Variants in PPARGC1B observed in about 807,000 individuals in gnomAD.
PPARGC1B encodes the protein peroxisome proliferator-activated receptor gamma coactivator 1-beta.
In PPARGC1B, 34 loss-of-function variants were observed where a neutral mutation model predicts 101.6. The ratio of observed to expected loss-of-function variants is 0.33; its 90% confidence interval spans 0.25 to 0.45. The LOEUF is 0.45. Ranked by LOEUF, PPARGC1B falls within the 20% of genes least tolerant of loss-of-function variation. The pLI, the probability that PPARGC1B is intolerant of heterozygous loss-of-function variation, is 1.00. For synonymous variants in PPARGC1B, 548 were observed against 539.3 expected, an observed-to-expected ratio of 1.02 and a Z score of -0.22; for missense variants, 1,234 against 1,317.6, an observed-to-expected ratio of 0.94 and a Z score of 0.98.
chr5:149,845,601 C>T, intron 10 of PPARGC1B, 159 bp from the exon 11 acceptor site: 1 of 700,196 alleles, frequency 1.4e-6, no homozygotes. Flanking sequence ...TACCACATTG[C>T]AGAAGTCAGC....
chr5:149,794,551 CACAT>C (rs58160558), intron 1 of PPARGC1B, among the ~76,000 whole-genome samples: 33,819 of 144,322 alleles, frequency 0.23, 4,049 homozygotes, highest in Middle Eastern at 0.33. Context: ...CACACACACA[CACAT>C]TCAAGCAAAA....
chr5:149,830,030 C>CAAAAAAAAA (rs60711433), intron 3 of PPARGC1B, among the ~76,000 whole-genome samples: 9 of 34,254 alleles, frequency 2.6e-4, no homozygotes, highest in Admixed American at 1.4e-3. Context: ...GACTGCATCT[C>CAAAAAAAAA]AAAAAAAAAA....
chr5:149,812,886 G>A (rs879541908), intron 1 of PPARGC1B, among the ~76,000 whole-genome samples: 7 of 152,212 alleles, frequency 4.6e-5, no homozygotes, highest in South Asian at 2.1e-4. Flanking sequence ...GAGGAAACTC[G>A]GTGGGCTTCC....
intron 1 of PPARGC1B, among the ~76,000 whole-genome samples, chr5:149,760,189 C>A (rs1409048985): frequency 3.3e-5 from 5 of 152,154 alleles, no homozygotes; most frequent in African/African-American, 1.2e-4. Context: ...CCACAGAGGG[C>A]CAGCAGACAG....
intron 2 of PPARGC1B, among the ~76,000 whole-genome samples, chr5:149,825,002 T>G (rs1020928033): frequency 6.6e-6 from 1 of 152,236 alleles, no homozygotes; most frequent in Non-Finnish European, 1.5e-5. Flanking sequence ...CAGATGAACT[T>G]CCTGCAGAAA....
At chr5:149,771,142 G>A (rs984447556) in intron 1 of PPARGC1B, among the ~76,000 whole-genome samples, 3 of 152,212 alleles carry the variant, frequency 2.0e-5, no homozygotes, top group African/African-American at 7.2e-5. Context: ...TGCGTGTGGG[G>A]GGCCGTGTGC....
chr5:149,799,693 G>GTGTTTTTTT (rs1757362571), intron 1 of PPARGC1B, among the ~76,000 whole-genome samples: 1 of 76,480 alleles, frequency 1.3e-5, no homozygotes, highest in Non-Finnish European at 2.2e-5. Flanking sequence ...GCTTGTTGTT[G>GTGTTTTTTT]TTTTTTTTTT....
rs1184989428 is a variant in PPARGC1B, at chr5:149,837,441, ACC to A, written c.2618+369_2618+370del. On this transcript the variant is annotated intron_variant, in intron 8 of 11. Coordinates refer to ENST00000309241, the MANE Select transcript of PPARGC1B (RefSeq NM_133263.4). The surrounding 1 kb of genome is among the most constrained non-coding windows in gnomAD (Gnocchi z 4.2). The stretch of plus-strand genomic sequence containing the variant: ...AATGGATAAGTTTTTGTGCAAACAT[ACC>A]TGCCCCAACAGTTTGAATTCTAGGG... Among the ~76,000 whole-genome samples, 2 of 152,246 alleles carry A rather than the reference ACC, an allele frequency of 1.3e-5. No individual in the cohort carries two copies. Among genetic ancestry groups the A allele is most frequent in the African/African-American group, 2.4e-5 (1 of 41,462 alleles).
rs372330252 is a variant in PPARGC1B at position 149,830,762 on chromosome 5, C to G, written c.466-5C>G. Reference sequence around the variant, plus strand: ...CGGCTCCTGTCCTCTCTGCTTTTCCCTCAGCTGCAGAAGCTCCTCCTGGCC... The same window carrying G: ...CGGCTCCTGTCCTCTCTGCTTTTCCGTCAGCTGCAGAAGCTCCTCCTGGCC... On this transcript the variant is annotated splice_polypyrimidine_tract_variant and splice_region_variant and intron_variant, in intron 3 of 11. Coordinates refer to ENST00000309241, the MANE Select transcript of PPARGC1B (RefSeq NM_133263.4). 17 of 1,610,216 alleles carry G rather than the reference C, an allele frequency of 1.1e-5. No individual in the cohort carries two copies. Among genetic ancestry groups the G allele is most frequent in the Non-Finnish European group, 1.4e-5 (16 of 1,176,470 alleles).
In PPARGC1B at chr5:149,799,693, G is replaced by GTTTTTTTTTTTTTTTTTTTTT. The variant is rs11371560; in HGVS notation, c.79-20739_79-20719dup. On this transcript the variant is annotated intron_variant, in intron 1 of 11. Transcript: ENST00000309241. ...TTTGTTTGTTTGTTTGCTTGTTGTT[G>GTTTTTTTTTTTTTTTTTTTTT]TTTTTTTTTTTTTTTTTTTTTGAGA... Among the ~76,000 whole-genome samples, 5 of 76,480 alleles carry GTTTTTTTTTTTTTTTTTTTTT rather than the reference G, an allele frequency of 6.5e-5. 1 individual carries two copies. The highest frequency in any genetic ancestry group is 1.1e-4 in the African/African-American group (2 of 17,556). 50.2% of individuals were successfully genotyped at this position (76,480 alleles called of 152,430 possible). A position where few individuals can be genotyped will look rare whatever the true frequency, so the allele number is the denominator to read the frequency against.
At chr5:149,806,369 G>A (rs1757599402) in intron 1 of PPARGC1B, among the ~76,000 whole-genome samples, 1 of 152,176 alleles carries the variant, frequency 6.6e-6, no homozygotes. Flanking sequence ...CCATGAAGGG[G>A]CTGCCTGACC....
chr5:149,826,599 G>T, intron 2 of PPARGC1B, 74 bp from the exon 3 acceptor site: 1 of 1,188,220 alleles, frequency 8.4e-7, no homozygotes, highest in Non-Finnish European at 1.2e-6. Context: ...TGTCCACCGT[G>T]GAGACTGAGT....
intron 1 of PPARGC1B, among the ~76,000 whole-genome samples, chr5:149,751,460 C>A (rs138886616): frequency 0.33 from 50,276 of 151,958 alleles, 8,802 homozygotes; most frequent in Non-Finnish European, 0.39. Context: ...AATCCCAGCA[C>A]TTTGGGAGGC....
intron 1 of PPARGC1B, among the ~76,000 whole-genome samples, chr5:149,785,244 C>G (rs1011194227): frequency 6.7e-6 from 1 of 150,004 alleles, no homozygotes; most frequent in Non-Finnish European, 1.5e-5. Context: ...TTTAAGGGCC[C>G]TTCTGGTTGT....
At chr5:149,756,159 A>T (rs72830218) in intron 1 of PPARGC1B, among the ~76,000 whole-genome samples, 23,568 of 152,134 alleles carry the variant, frequency 0.15, 2,017 homozygotes, top group Admixed American at 0.19. Flanking sequence ...CACTTAATAA[A>T]TATGCTATTT....
chr5:149,808,922 G>C (rs888057839), intron 1 of PPARGC1B, among the ~76,000 whole-genome samples: 29 of 152,124 alleles, frequency 1.9e-4, no homozygotes, highest in Admixed American at 1.6e-3. Flanking sequence ...GAGATGGATG[G>C]TGGTGATGGC....
rs181506172 is a variant in PPARGC1B, at chr5:149,755,746, C to T, written c.78+25326C>T. 1.6e-3 allele frequency among the ~76,000 whole-genome samples: 246 copies of T among 151,602 alleles called. 2 individuals are homozygous for T. The highest frequency in any genetic ancestry group is 5.6e-3 in the African/African-American group (233 of 41,336). On this transcript the variant is annotated intron_variant, in intron 1 of 11. Transcript: ENST00000309241. ...GCAACCTCTGCCTCCAGGGTTCAAG[C>T]GATTCTCTTGCCTCAGCCTCCCAAG...
chr5:149,741,534 C>A lies in PPARGC1B; in HGVS notation c.78+11114C>A, dbSNP rs185092457. 7.0e-4 allele frequency among the ~76,000 whole-genome samples: 107 copies of A among 152,334 alleles called. 1 individual carries two copies. The highest frequency in any genetic ancestry group is 2.2e-3 in the African/African-American group (93 of 41,572). On this transcript the variant is annotated intron_variant, in intron 1 of 11. Transcript: ENST00000309241. ...GTATGGGATTTGAAGCCTCAAATGTCCATGTAGCTCACTATCCATCTATTT... is the reference window on the plus strand; with the variant it reads ...GTATGGGATTTGAAGCCTCAAATGTACATGTAGCTCACTATCCATCTATTT...
intron 1 of PPARGC1B, chr5:149,772,112 C>G: frequency 1.3e-6 from 2 of 1,592,810 alleles, no homozygotes; most frequent in South Asian, 1.1e-5. Context: ...GCCCCAGGAC[C>G]CTTGGAGGAG....
Sources: allele counts gnomAD v4.1 joint callset (sites outside exome capture counted in the v4.1 genomes callset), GRCh38; gene constraint gnomAD v4.1.1; non-coding constraint Gnocchi (gnomAD v3.1); transcripts MANE v1.5; gene names NCBI Gene and HGNC (gene_info 2026-07-23, HGNC 2026-07-21).